The following VPS13A variants were observed in gnomAD, a reference collection of about 807,000 sequenced individuals.
VPS13A encodes the protein vacuolar protein sorting 13 homolog A.
In VPS13A, 264 loss-of-function variants were observed where a neutral mutation model predicts 390.9. That is an observed-to-expected ratio of 0.68 (90% CI 0.61 to 0.75). VPS13A has a LOEUF of 0.75. Ranked by LOEUF, VPS13A falls within the 30% of genes least tolerant of loss-of-function variation. VPS13A has a pLI of 0.00. For synonymous variants in VPS13A, 1,231 were observed against 1,227.1 expected (o/e 1.00, Z -0.07); for missense variants, 3,409 against 3,733.9 (o/e 0.91, Z 2.27).
At chr9:77,375,947 A>G (rs1833043110) in intron 67 of VPS13A, among the ~76,000 whole-genome samples, 1 of 152,182 alleles carries the variant, frequency 6.6e-6, no homozygotes, top group Non-Finnish European at 1.5e-5. Flanking sequence ...TGATATGCTA[A>G]ATGGTGAAAA....
chr9:77,340,392 T>TG lies in VPS13A; in HGVS notation c.6880-12_6880-11insG. 6.2e-7 allele frequency: 1 copy of TG among 1,613,036 alleles called. No homozygotes were observed. Among genetic ancestry groups the TG allele is most frequent in the South Asian group, 1.1e-5 (1 of 90,962 alleles). On this transcript the variant is annotated splice_polypyrimidine_tract_variant and intron_variant, in intron 49 of 71. Transcript: ENST00000360280. ...CATAACAGTTTTTGAGCTGTTAATT[T>TG]TTTTTTCTTAGGTTGGTGTCACTAT...
At chr9:77,295,309 A>G (rs950117694) in intron 32 of VPS13A, among the ~76,000 whole-genome samples, 3 of 152,056 alleles carry the variant, frequency 2.0e-5, no homozygotes, top group Non-Finnish European at 2.9e-5. Context: ...CAGTGATCCC[A>G]TTTAGCTTTG....
At chr9:77,276,547 A>AAATTT (rs1469180836) in intron 26 of VPS13A, among the ~76,000 whole-genome samples, 3 of 152,222 alleles carry the variant, frequency 2.0e-5, no homozygotes, top group Admixed American at 6.5e-5. Flanking sequence ...AAAACAACAC[A>AAATTT]AATTTATTAT....
chr9:77,355,240 G>A (rs1831705748), intron 54 of VPS13A, among the ~76,000 whole-genome samples: 2 of 152,158 alleles, frequency 1.3e-5, no homozygotes, highest in Admixed American at 1.3e-4. Context: ...CCATGAAACT[G>A]GTTTTGTCAG....
rs1009399787 is a variant in VPS13A at position 77,209,474 on chromosome 9, A to G, written c.437A>G (p.Gln146Arg). The G allele has an allele frequency of 1.2e-6, 2 of 1,612,708 alleles. No individual in the cohort carries two copies. The highest frequency in any genetic ancestry group is 1.3e-5 in the African/African-American group (1 of 75,040). The part of the protein sequence containing the change: ...QDTFAEKLVT[Q>R]IIKNLQVKIS... The stretch of plus-strand genomic sequence containing the variant: ...ACTTTTGCAGAAAAATTAGTTACAC[A>G]GATCATAAAAAATCTTCAGGTGAAA... The change falls in exon 6 of 72, where the codon CAG becomes CGG. Residue 146 changes from glutamine (Q) to arginine (R), a missense_variant. Physicochemically the swap from Gln to Arg is conservative, Grantham distance 43 (BLOSUM62 1). Coordinates refer to ENST00000360280, the MANE Select transcript of VPS13A (RefSeq NM_033305.3).
intron 31 of VPS13A, among the ~76,000 whole-genome samples, chr9:77,285,877 C>G (rs1181389082): frequency 6.6e-6 from 1 of 152,198 alleles, no homozygotes; most frequent in Non-Finnish European, 1.5e-5. Flanking sequence ...AGTTTCTTCT[C>G]TGCCCTTGTG....
At chr9:77,349,542 T>G (rs891490823) in intron 52 of VPS13A, among the ~76,000 whole-genome samples, 6 of 152,228 alleles carry the variant, frequency 3.9e-5, no homozygotes, top group African/African-American at 1.4e-4. Flanking sequence ...ATGCGTGATA[T>G]TCTATCATTT....
At chr9:77,265,970 GCTGTGTCC>G (rs1236936099) in intron 23 of VPS13A, among the ~76,000 whole-genome samples, 1 of 152,094 alleles carries the variant, frequency 6.6e-6, no homozygotes, top group Non-Finnish European at 1.5e-5. Context: ...CACTGCTTTA[GCTGTGTCC>G]CAGAGATTCT....
intron 18 of VPS13A, 40 bp from the exon 19 acceptor site, chr9:77,238,232 G>A (rs1468669584): frequency 5.6e-6 from 9 of 1,608,990 alleles, no homozygotes; most frequent in Non-Finnish European, 7.7e-6. Context: ...ATATAATTTA[G>A]TTTGCTTTGA....
At chr9:77,280,594 A>C (rs1826961908) in intron 27 of VPS13A, among the ~76,000 whole-genome samples, 1 of 152,158 alleles carries the variant, frequency 6.6e-6, no homozygotes, top group African/African-American at 2.4e-5. Context: ...TGTTTTGTGA[A>C]GTTACTTGAT....
rs1452606928 is a variant in VPS13A at position 77,351,411 on chromosome 9, T to G, written c.7384T>G (p.Cys2462Gly). Reference sequence around the variant, plus strand: ...GGGCTCTAGAAGGCTGAAGTGGAGATGTAGAAAAAGCCATGGTGAAGTAAC... The same window carrying G: ...GGGCTCTAGAAGGCTGAAGTGGAGAGGTAGAAAAAGCCATGGTGAAGTAAC... ...PVGSRRLKWR[C>G]RKSHGEVTQK... The change falls in exon 53 of 72, where the codon TGT becomes GGT. Residue 2462 changes from cysteine to glycine, a missense_variant. Physicochemically the swap from Cys to Gly is radical, Grantham distance 159. Around this residue, in one of 5 missense-constraint regions of VPS13A, gnomAD observed 2,717 missense variants for 2,917.4 expected, o/e 0.93. Transcript: ENST00000360280. 3 of 1,613,734 alleles carry G rather than the reference T, an allele frequency of 1.9e-6. No homozygotes were observed. The highest frequency in any genetic ancestry group is 2.7e-5 in the African/African-American group (2 of 74,908).
At chr9:77,253,267 C>G (rs994159339) in intron 22 of VPS13A, among the ~76,000 whole-genome samples, 1 of 152,148 alleles carries the variant, frequency 6.6e-6, no homozygotes, top group Non-Finnish European at 1.5e-5. Context: ...TGGAGAAATA[C>G]ATATTCAAGA....
At chr9:77,180,370 C>T (rs970941859) in intron 1 of VPS13A, among the ~76,000 whole-genome samples, 1 of 152,200 alleles carries the variant, frequency 6.6e-6, no homozygotes, top group African/African-American at 2.4e-5. Context: ...ATTTCTTCAT[C>T]AGATATGTAA....
intron 6 of VPS13A, among the ~76,000 whole-genome samples, chr9:77,210,102 G>A (rs1332624381): frequency 1.3e-5 from 2 of 151,748 alleles, no homozygotes; most frequent in Non-Finnish European, 2.9e-5. Flanking sequence ...GTTTCTGAAT[G>A]TTTGAAATAA....
rs772790812 is a variant in VPS13A at position 77,416,049 on chromosome 9, G to A, written c.*43G>A. 2 of 1,607,376 alleles carry A rather than the reference G, an allele frequency of 1.2e-6. No individual in the cohort carries two copies. The highest frequency in any genetic ancestry group is 2.2e-5 in the South Asian group (2 of 90,900). ...AGACACACAGCAATAAGTGATTACA[G>A]CTCCTAGACTACCTTCCAAAACCTG... On this transcript the variant is annotated 3_prime_UTR_variant, in exon 72 of 72. Transcript: ENST00000360280.
chr9:77,318,631 GTATGGAATATTATGACAGATAATGATACA>G, intron 41 of VPS13A, 40 bp downstream of exon 41: 3 of 1,411,028 alleles, frequency 2.1e-6, no homozygotes, highest in Admixed American at 1.7e-5. Context: ...ATAATGATAC[GTATGGAATATTATGACAGATAATGATACA>G]TATGGAATAT....
At position 77,282,115 on chromosome 9, in the gene VPS13A, C is replaced by T. The variant is rs2131346973; in HGVS notation, c.2965-6C>T. The T allele has an allele frequency of 6.2e-7, 1 of 1,613,026 alleles. No homozygotes were observed. The highest frequency in any genetic ancestry group is 8.5e-7 in the Non-Finnish European group (1 of 1,179,374). Reference sequence around the variant, plus strand: ...ACCTATCACTAAAATCAGCTTTGTTCTTTAGGTAAATTTTTCCTCTTTGGA... The same window carrying T: ...ACCTATCACTAAAATCAGCTTTGTTTTTTAGGTAAATTTTTCCTCTTTGGA... On this transcript the variant is annotated splice_region_variant and splice_polypyrimidine_tract_variant and intron_variant, in intron 28 of 71. Coordinates refer to ENST00000360280, the MANE Select transcript of VPS13A (RefSeq NM_033305.3).
At chr9:77,367,655 C>G (rs1832506686) in intron 61 of VPS13A, among the ~76,000 whole-genome samples, 1 of 152,278 alleles carries the variant, frequency 6.6e-6, no homozygotes, top group South Asian at 2.1e-4. Flanking sequence ...CAGGCAAAAC[C>G]TGCTGCAGCT....
chr9:77,248,632 G>A (rs1038116792), intron 20 of VPS13A, among the ~76,000 whole-genome samples: 1 of 152,020 alleles, frequency 6.6e-6, no homozygotes, highest in Admixed American at 6.6e-5. Flanking sequence ...CAGCCACATG[G>A]GGTTATTTAA....
Sources: gnomAD v4.1 joint callset for allele counts (sites outside exome capture counted in the v4.1 genomes callset) on GRCh38, gnomAD v4.1.1 for gene constraint, gnomAD v4.1.1 regional missense constraint, MANE v1.5 for transcripts, NCBI Gene and HGNC (gene_info 2026-07-23, HGNC 2026-07-21) for gene names.